Variants in DPP6 observed in about 807,000 individuals in gnomAD.
DPP6 encodes dipeptidyl peptidase like 6.
Under a neutral mutation model 122.6 loss-of-function variants are expected in DPP6, and 69 were observed. The ratio of observed to expected loss-of-function variants is 0.56; its 90% CI spans 0.46 to 0.69. DPP6 has a LOEUF of 0.69. DPP6 is among the 30% of genes least tolerant of loss of function. The pLI is 0.00. For missense variants in DPP6, 928 were observed against 1,116.9 expected (o/e 0.83, Z 2.41); for synonymous variants, 418 against 433.1 (o/e 0.97, Z 0.43).
At chr7:153,861,892 G>A in the DPP6 span, among the ~76,000 whole-genome samples, 1 of 152,194 alleles carries the variant, frequency 6.6e-6, no homozygotes, top group African/African-American at 2.4e-5. Context: ...AATTCTTTGG[G>A]GGGAAAAAGC....
intron 5 of DPP6, among the ~76,000 whole-genome samples, chr7:154,626,098 G>A (rs944615364): frequency 6.6e-6 from 1 of 152,070 alleles, no homozygotes; most frequent in African/African-American, 2.4e-5. Flanking sequence ...CAGGCATGCT[G>A]GTGTGCATCC....
intron 1 of DPP6, among the ~76,000 whole-genome samples, chr7:154,379,728 A>C (rs959993839): frequency 2.6e-5 from 4 of 152,230 alleles, no homozygotes; most frequent in Non-Finnish European, 5.9e-5. Context: ...TATCCATAGA[A>C]TATTCATGTG....
chr7:154,461,254 A>G (rs997430396), intron 2 of DPP6, among the ~76,000 whole-genome samples: 5 of 152,056 alleles, frequency 3.3e-5, no homozygotes, highest in Non-Finnish European at 7.4e-5. Context: ...TATTTTCTTT[A>G]TCCATTCATC....
chr7:154,609,626 CAT>C (rs1586726354), intron 5 of DPP6, among the ~76,000 whole-genome samples: 1 of 152,120 alleles, frequency 6.6e-6, no homozygotes, highest in African/African-American at 2.4e-5. Context: ...CATGCACACA[CAT>C]ACATGAGCAC....
chr7:154,545,860 C>T (rs1829142310), intron 4 of DPP6, among the ~76,000 whole-genome samples: 1 of 152,176 alleles, frequency 6.6e-6, no homozygotes, highest in African/African-American at 2.4e-5. Flanking sequence ...ACCTGTGTCA[C>T]TCATACTGTA....
intron 1 of DPP6, among the ~76,000 whole-genome samples, chr7:153,993,286 C>T (rs1585145735): frequency 1.3e-5 from 2 of 152,162 alleles, no homozygotes; most frequent in African/African-American, 4.8e-5. Flanking sequence ...AGATCTAGCA[C>T]CCAGATTGAT....
chr7:154,452,043 C>A (rs780425523), intron 2 of DPP6, among the ~76,000 whole-genome samples: 3 of 152,212 alleles, frequency 2.0e-5, no homozygotes, highest in Non-Finnish European at 4.4e-5. Context: ...CCACTAGCTC[C>A]AGAGCAGTGT....
chr7:154,829,165 T>C (rs1458418243), intron 16 of DPP6, among the ~76,000 whole-genome samples: 4 of 151,786 alleles, frequency 2.6e-5, no homozygotes, highest in African/African-American at 7.3e-5. Flanking sequence ...GGTGGATCGC[T>C]TGAGCTCAAG....
rs561850996 is a variant in DPP6, at chr7:154,538,811, T to G, written c.458-1721T>G. ...AATGTGAGATAGCTCATTCAATAGA[T>G]GCACCTTGGTGTGTTTGCTTAAGAA... On this transcript the variant is annotated intron_variant, in intron 3 of 25. Transcript: ENST00000377770. 2.0e-5 allele frequency among the ~76,000 whole-genome samples: 3 copies of G among 152,356 alleles called. No homozygotes were observed. In the East Asian group the frequency reaches 5.8e-4, roughly 29 times the overall value.
chr7:153,832,965 A>T, the DPP6 span, among the ~76,000 whole-genome samples: 1,674 of 152,306 alleles, frequency 0.011, 33 homozygotes, highest in African/African-American at 0.038. Context: ...GTGGGGTGGT[A>T]TTAGAAGGAT....
In DPP6 at chr7:154,855,177, C is replaced by G. The variant is rs191308564; in HGVS notation, c.1714+1350C>G. 2.6e-5 allele frequency among the ~76,000 whole-genome samples: 4 copies of G among 152,232 alleles called. No homozygotes were observed. In the East Asian group the frequency reaches 5.8e-4, roughly 22 times the overall value. On this transcript the variant is annotated intron_variant, in intron 17 of 25. Transcript: ENST00000377770. The stretch of plus-strand genomic sequence containing the variant: ...AGTGGTCAAACTGTTCCAAAGTGGG[C>G]AAAATAGATTCGTTTAAAGAGACAG...
chr7:154,428,361 T>C (rs1315536947), intron 1 of DPP6, among the ~76,000 whole-genome samples: 1 of 152,072 alleles, frequency 6.6e-6, no homozygotes, highest in Admixed American at 6.6e-5. Context: ...TAATATAGAG[T>C]GATTGAAGTA....
chr7:153,862,474 A>G, the DPP6 span, among the ~76,000 whole-genome samples: 7 of 152,166 alleles, frequency 4.6e-5, no homozygotes, highest in Non-Finnish European at 1.0e-4. Flanking sequence ...TCACCTTCAC[A>G]TCACCCAGAG....
At chr7:153,969,276 A>T (rs1426448479) in intron 1 of DPP6, among the ~76,000 whole-genome samples, 1 of 143,630 alleles carries the variant, frequency 7.0e-6, no homozygotes, top group Non-Finnish European at 1.5e-5. Flanking sequence ...AGATTCAGCC[A>T]TTTTTTTTTT....
At chr7:154,489,660 T>G (rs956285495) in intron 3 of DPP6, among the ~76,000 whole-genome samples, 4 of 152,014 alleles carry the variant, frequency 2.6e-5, no homozygotes, top group Non-Finnish European at 4.4e-5. Flanking sequence ...GATCTTCTGT[T>G]CTCTCTCAAG....
At chr7:154,498,612 A>G (rs1824956654) in intron 3 of DPP6, among the ~76,000 whole-genome samples, 1 of 152,230 alleles carries the variant, frequency 6.6e-6, no homozygotes, top group African/African-American at 2.4e-5. Context: ...TGCTGAGATT[A>G]CAGGCGTGAG....
rs543855392 is a variant in DPP6 at position 154,827,294 on chromosome 7, G to A, written c.1666+20182G>A. 7.7e-4 allele frequency among the ~76,000 whole-genome samples: 117 copies of A among 151,694 alleles called. 1 individual carries two copies. The highest frequency in any genetic ancestry group is 2.7e-3 in the African/African-American group (110 of 41,346). On this transcript the variant is annotated intron_variant, in intron 16 of 25. Transcript: ENST00000377770. ...CCCATTCTCATCCTCTTTCTTATCT[G>A]TTTCTTTTCCCTCTTCCTCCTCCCC...
At chr7:154,121,175 T>A (rs1405292889) in intron 1 of DPP6, among the ~76,000 whole-genome samples, 1 of 152,242 alleles carries the variant, frequency 6.6e-6, no homozygotes. Flanking sequence ...GTTTTCTTTA[T>A]AAATTAACCA....
At chr7:154,462,211 T>C (rs969999199) in intron 2 of DPP6, among the ~76,000 whole-genome samples, 6 of 152,222 alleles carry the variant, frequency 3.9e-5, no homozygotes, top group Non-Finnish European at 7.3e-5. Flanking sequence ...TTCTGTTCCA[T>C]TGCTCTATGT....
Sources: gnomAD v4.1 joint callset for allele counts (sites outside exome capture counted in the v4.1 genomes callset) on GRCh38, gnomAD v4.1.1 for gene constraint, MANE v1.5 for transcripts, NCBI Gene and HGNC (gene_info 2026-07-23, HGNC 2026-07-21) for gene names.